The following AP1S3 variants were observed in gnomAD, a reference collection of about 807,000 sequenced individuals.
AP1S3 encodes AP-1 complex subunit sigma-3.
In AP1S3, 10 loss-of-function variants were observed where a neutral mutation model predicts 20.9. That is an observed-to-expected ratio of 0.48 (90% CI 0.29 to 0.81). The LOEUF (loss-of-function observed/expected upper bound fraction) is 0.81. AP1S3 is among the 30% of genes least tolerant of loss of function. The pLI is 0.08. For missense variants in AP1S3, 154 were observed against 183.8 expected, an observed-to-expected ratio of 0.84 and a Z score of 0.94; for synonymous variants, 41 against 61.5, an observed-to-expected ratio of 0.67 and a Z score of 1.56.
intron 1 of AP1S3, among the ~76,000 whole-genome samples, chr2:223,795,790 TGGGAGA>T (rs1293174953): frequency 6.6e-6 from 1 of 152,196 alleles, no homozygotes; most frequent in Non-Finnish European, 1.5e-5. Flanking sequence ...TCAGTGATGC[TGGGAGA>T]ACAAAATGAT....
chr2:223,792,794 T>A (rs1008847003), intron 1 of AP1S3, among the ~76,000 whole-genome samples: 1 of 152,050 alleles, frequency 6.6e-6, no homozygotes, highest in Non-Finnish European at 1.5e-5. Context: ...TCCTACAGAA[T>A]GAGAGAAAAT....
chr2:223,786,118 C>T (rs1160245682), intron 1 of AP1S3, among the ~76,000 whole-genome samples: 1 of 152,070 alleles, frequency 6.6e-6, no homozygotes, highest in Non-Finnish European at 1.5e-5. Context: ...CTTAACACTG[C>T]TCTAAAAAAA....
chr2:223,773,688 GT>G, intron 3 of AP1S3, among the ~76,000 whole-genome samples: 1 of 152,066 alleles, frequency 6.6e-6, no homozygotes, highest in East Asian at 1.9e-4. Flanking sequence ...CTGATAAAAC[GT>G]GTTCAATATT....
At chr2:223,795,743 C>A (rs1195176631) in intron 1 of AP1S3, among the ~76,000 whole-genome samples, 1 of 152,130 alleles carries the variant, frequency 6.6e-6, no homozygotes, top group African/African-American at 2.4e-5. Context: ...TTTGTAGTCT[C>A]CTTATCAACA....
chr2:223,764,976 G>T, intron 4 of AP1S3: 2 of 491,276 alleles, frequency 4.1e-6, no homozygotes, highest in Non-Finnish European at 3.4e-6. Context: ...GTGTGAAATT[G>T]AGCAGGTCAT....
intron 1 of AP1S3, among the ~76,000 whole-genome samples, chr2:223,827,320 T>TA (rs922105122): frequency 1.4e-4 from 21 of 151,732 alleles, no homozygotes; most frequent in African/African-American, 4.6e-4. Flanking sequence ...AATCATACTT[T>TA]AAAAAAAAAT....
chr2:223,811,184 C>G (rs1035194655), intron 1 of AP1S3, among the ~76,000 whole-genome samples: 3 of 151,858 alleles, frequency 2.0e-5, no homozygotes, highest in Non-Finnish European at 4.4e-5. Flanking sequence ...CCTCTGCCCG[C>G]TGGGTTCAAG....
chr2:223,811,890 C>T (rs770333269), intron 1 of AP1S3, among the ~76,000 whole-genome samples: 4 of 152,202 alleles, frequency 2.6e-5, no homozygotes, highest in Non-Finnish European at 5.9e-5. Context: ...GTGGCATAAA[C>T]TGTGGTCAGA....
At chr2:223,816,789 G>A (rs1691853106) in intron 1 of AP1S3, among the ~76,000 whole-genome samples, 1 of 152,166 alleles carries the variant, frequency 6.6e-6, no homozygotes, top group Admixed American at 6.5e-5. Flanking sequence ...ACTACAGACT[G>A]CTTATAAAGA....
chr2:223,777,869 T>C lies in AP1S3; in HGVS notation c.4A>G (p.Ile2Val), dbSNP rs747985325. The change falls in exon 2 of 5, where the codon ATA becomes GTA. Residue 2 changes from isoleucine (I) to valine (V), a missense_variant and splice_region_variant. By Grantham distance (29) the Ile-to-Val change is conservative. Transcript: ENST00000396654. ...CGACTGAAGAGCAATATGAAATGTA[T>C]CTAGAACAAAGGACACAAAAAACAG... is the stretch of plus-strand genomic sequence containing the variant. The part of the protein sequence containing the change: M[I>V]HFILLFSRQG... 9 of 1,611,382 alleles carry C rather than the reference T, an allele frequency of 5.6e-6. No individual in the cohort carries two copies. Among genetic ancestry groups the C allele is most frequent in the Admixed American group, 3.4e-5 (2 of 59,546 alleles).
intron 1 of AP1S3, among the ~76,000 whole-genome samples, chr2:223,807,964 A>ACTG (rs1479398560): frequency 1.5e-5 from 2 of 133,038 alleles, no homozygotes; most frequent in Non-Finnish European, 3.0e-5. Flanking sequence ...ATCTTGGCTC[A>ACTG]CTGCAACCTC....
intron 1 of AP1S3, among the ~76,000 whole-genome samples, chr2:223,813,825 A>C (rs1470620886): frequency 2.0e-5 from 3 of 152,222 alleles, no homozygotes; most frequent in Non-Finnish European, 4.4e-5. Flanking sequence ...CATGCTTAGA[A>C]TCATGGCCTT....
intron 4 of AP1S3, among the ~76,000 whole-genome samples, chr2:223,759,708 C>T (rs551231786): frequency 6.6e-6 from 1 of 152,268 alleles, no homozygotes; most frequent in South Asian, 2.1e-4. Context: ...CAGATGATTT[C>T]ATCATCCAGG....
intron 1 of AP1S3, among the ~76,000 whole-genome samples, chr2:223,780,927 C>T (rs1157654632): frequency 6.6e-6 from 1 of 151,844 alleles, no homozygotes; most frequent in African/African-American, 2.4e-5. Flanking sequence ...AGTTTCTCAG[C>T]CCTTGCCCCA....
chr2:223,837,344 C>T, intron 1 of AP1S3, 104 bp downstream of exon 1: 3 of 560,230 alleles, frequency 5.4e-6, no homozygotes, highest in South Asian at 8.5e-5. Context: ...GGACTCGGCC[C>T]GCACCCCCAC....
intron 1 of AP1S3, among the ~76,000 whole-genome samples, chr2:223,826,592 C>A (rs1233595727): frequency 9.1e-6 from 1 of 109,622 alleles, no homozygotes; most frequent in East Asian, 2.8e-4. Flanking sequence ...GACTCCGTCT[C>A]AGAAACAAAA....
intron 1 of AP1S3, 46 bp downstream of exon 1, chr2:223,837,402 G>A (rs1249143654): frequency 5.5e-5 from 64 of 1,155,190 alleles, no homozygotes; most frequent in Non-Finnish European, 6.6e-5. Context: ...CCCGGAGCGC[G>A]AGCGCCCCCA....
At chr2:223,800,270 T>C (rs955196994) in intron 1 of AP1S3, among the ~76,000 whole-genome samples, 3 of 150,396 alleles carry the variant, frequency 2.0e-5, no homozygotes, top group African/African-American at 4.9e-5. Context: ...TGATGGCTCA[T>C]ATCTGTAATC....
At chr2:223,830,478 C>CA (rs11359575) in intron 1 of AP1S3, among the ~76,000 whole-genome samples, 1,909 of 116,094 alleles carry the variant, frequency 0.016, 41 homozygotes, top group African/African-American at 0.05. Context: ...GACTCTCTCT[C>CA]AAAAAAAAAA....
Sources: gnomAD v4.1 joint callset for allele counts (sites outside exome capture counted in the v4.1 genomes callset) on GRCh38, gnomAD v4.1.1 for gene constraint, MANE v1.5 for transcripts, NCBI Gene and HGNC (gene_info 2026-07-23, HGNC 2026-07-21) for gene names.